PCLO: variants seen among roughly 807,000 people sequenced by gnomAD.
PCLO encodes the protein protein piccolo.
In PCLO, 82 loss-of-function variants were observed where a neutral mutation model predicts 427.5. The observed-to-expected ratio is 0.19, with a 90% CI of 0.16 to 0.23. The LOEUF is 0.23. Ranked by LOEUF, PCLO falls within the 10% of genes least tolerant of loss-of-function variation. The pLI, the probability that PCLO is intolerant of heterozygous loss-of-function variation, is 1.00. For synonymous variants in PCLO, 2,357 were observed against 2,155.4 expected (o/e 1.09, Z -2.59); for missense variants, 6,239 against 6,115.9 (o/e 1.02, Z -0.67).
rs143400571 is a variant in PCLO at position 82,804,675 on chromosome 7, C to T, written c.14933+1013G>A. On this transcript the variant is annotated intron_variant, in intron 21 of 24. Coordinates refer to ENST00000333891, the MANE Select transcript of PCLO (RefSeq NM_033026.6). Reference sequence around the variant, plus strand: ...TTAATTCTGCCCTGCAGCACAAAAGCAGCATCAGGCAACACAGAGCTAATA... The same window carrying T: ...TTAATTCTGCCCTGCAGCACAAAAGTAGCATCAGGCAACACAGAGCTAATA... Among the ~76,000 whole-genome samples, 140 of 152,254 alleles carry T rather than the reference C, an allele frequency of 9.2e-4. 1 individual carries two copies. The highest frequency in any genetic ancestry group is 4.8e-3 in the East Asian group (25 of 5,186).
intron 3 of PCLO, among the ~76,000 whole-genome samples, chr7:83,049,932 T>C (rs1018074098): frequency 2.0e-5 from 3 of 151,846 alleles, no homozygotes; most frequent in Non-Finnish European, 4.4e-5. Context: ...TATGAATAAA[T>C]GGTACAAAAA....
chr7:82,937,328 A>G (rs1173043321), intron 6 of PCLO, among the ~76,000 whole-genome samples: 1 of 148,860 alleles, frequency 6.7e-6, no homozygotes, highest in Non-Finnish European at 1.5e-5. Context: ...GTTAACATCC[A>G]CACTACAGTT....
intron 3 of PCLO, among the ~76,000 whole-genome samples, chr7:83,038,017 A>ATCTT (rs1475193761): frequency 2.2e-5 from 1 of 44,908 alleles, no homozygotes; most frequent in Admixed American, 4.1e-4. Context: ...ATATATATAT[A>ATCTT]TATATATATA....
intron 3 of PCLO, among the ~76,000 whole-genome samples, chr7:83,056,914 T>A (rs1789393358): frequency 6.6e-6 from 1 of 151,988 alleles, no homozygotes; most frequent in African/African-American, 2.4e-5. Context: ...TTTAATTGTT[T>A]GGACTACTGC....
At chr7:82,785,524 C>T (rs756237709) in intron 22 of PCLO, among the ~76,000 whole-genome samples, 2 of 152,178 alleles carry the variant, frequency 1.3e-5, no homozygotes, top group Non-Finnish European at 2.9e-5. Context: ...AGCCCACTAT[C>T]TTCCCATCTC....
At chr7:82,985,033 A>G (rs1796228180) in intron 3 of PCLO, among the ~76,000 whole-genome samples, 1 of 151,970 alleles carries the variant, frequency 6.6e-6, no homozygotes, top group African/African-American at 2.4e-5. Flanking sequence ...CCTAAACTGG[A>G]ATGTTTTCTT....
chr7:83,073,599 CTATT>C (rs991013034), intron 3 of PCLO, among the ~76,000 whole-genome samples: 2 of 151,854 alleles, frequency 1.3e-5, no homozygotes, highest in African/African-American at 4.8e-5. Context: ...CTGCTGCCCT[CTATT>C]TATCTTGTTA....
In PCLO at chr7:83,155,407, T is replaced by C. The variant is rs868094054; in HGVS notation, c.1234A>G (p.Thr412Ala). The C allele has an allele frequency of 6.2e-7, 1 of 1,611,714 alleles. No individual in the cohort carries two copies. Among genetic ancestry groups the C allele is most frequent in the South Asian group, 1.1e-5 (1 of 90,888 alleles). ...GGTTTTGGTGTCCCCACCTGCTGGG[T>C]TGGAGGCTTTGCTGGCCCTGGCTGT... is the stretch of plus-strand genomic sequence containing the variant. ...AQQPGPAKPP[T>A]QQVGTPKPLA... The change falls in exon 2 of 25, where the codon ACC (threonine) becomes GCC (alanine). Residue 412 changes from threonine to alanine, a missense_variant. Coordinates refer to ENST00000333891, the MANE Select transcript of PCLO (RefSeq NM_033026.6).
chr7:83,071,999 C>G lies in PCLO; in HGVS notation c.3300+62251G>C, dbSNP rs1344319725. On this transcript the variant is annotated intron_variant, in intron 3 of 24. Coordinates refer to ENST00000333891, the MANE Select transcript of PCLO (RefSeq NM_033026.6). Reference sequence around the variant, plus strand: ...TTCTCTGCTGAATATGTGATTCAAACAGGTTATGTTATTCAAATTTCTTAT... The same window carrying G: ...TTCTCTGCTGAATATGTGATTCAAAGAGGTTATGTTATTCAAATTTCTTAT... Among the ~76,000 whole-genome samples the G allele has an allele frequency of 2.0e-5, 3 of 151,996 alleles. No homozygotes were observed. The East Asian group carries it at 5.8e-4, about 29-fold the overall frequency.
Position 82,950,040 on chromosome 7 carries a change from T to C in PCLO, c.10548A>G (p.Ile3516Met), listed in dbSNP as rs1795298295. ...ATATCTCTGCTACCGTTTGAACTGCTATGCTGGAGACTTTGGAAAGGGGTT... is the reference window on the plus strand; with the variant it reads ...ATATCTCTGCTACCGTTTGAACTGCCATGCTGGAGACTTTGGAAAGGGGTT... Reference protein sequence around the residue: ...KTKPLSKVSSIAVQTVAEISV... With the variant: ...KTKPLSKVSSMAVQTVAEISV... Residue 3516 changes from isoleucine to methionine, a missense_variant, in exon 6 of 25, where the codon ATA becomes ATG. By Grantham distance (10) the Ile-to-Met change is conservative. Transcript: ENST00000333891. 1.2e-6 allele frequency: 2 copies of C among 1,612,890 alleles called. No homozygotes were observed. Among genetic ancestry groups the C allele is most frequent in the Non-Finnish European group, 1.7e-6 (2 of 1,179,716 alleles).
intron 3 of PCLO, among the ~76,000 whole-genome samples, chr7:83,026,821 A>G (rs1230704848): frequency 1.8e-4 from 26 of 148,454 alleles, no homozygotes; most frequent in Non-Finnish European, 2.9e-4. Flanking sequence ...CCGCTCAACT[A>G]CATGGAAACT....
rs112528693 is a variant in PCLO, at chr7:82,763,282, T to C, written c.15008-1789A>G. The stretch of plus-strand genomic sequence containing the variant: ...AATAGGAAATAAGTCCCTAGCACTT[T>C]CATGCACTATTACTTTGCACTACCA... On this transcript the variant is annotated intron_variant, in intron 22 of 24. Transcript: ENST00000333891. Among the ~76,000 whole-genome samples the C allele has an allele frequency of 8.6e-3, 1,312 of 152,188 alleles. 19 individuals are homozygous for C. Among genetic ancestry groups the C allele is most frequent in the African/African-American group, 0.027 (1,118 of 41,514 alleles).
chr7:82,772,310 T>C (rs929681773), intron 22 of PCLO, among the ~76,000 whole-genome samples: 1 of 152,154 alleles, frequency 6.6e-6, no homozygotes, highest in Admixed American at 6.6e-5. Context: ...TTTTCAAATC[T>C]ATGGTTTCAC....
At chr7:82,844,611 C>T (rs1792452522) in intron 13 of PCLO, among the ~76,000 whole-genome samples, 1 of 152,070 alleles carries the variant, frequency 6.6e-6, no homozygotes, top group Non-Finnish European at 1.5e-5. Context: ...ATGTATTTAT[C>T]AACTACAGGG....
chr7:83,001,360 A>G (rs1279002338), intron 3 of PCLO, among the ~76,000 whole-genome samples: 2 of 151,998 alleles, frequency 1.3e-5, no homozygotes, highest in East Asian at 3.9e-4. Flanking sequence ...TGTTAGAGTG[A>G]AAAAATAATT....
At chr7:83,133,740 C>T (rs1791633687) in intron 3 of PCLO, among the ~76,000 whole-genome samples, 1 of 151,964 alleles carries the variant, frequency 6.6e-6, no homozygotes, top group South Asian at 2.1e-4. Context: ...AAGTTCTTAA[C>T]AGTTTTTAAC....
rs752368277 is a variant in PCLO, at chr7:83,155,995, G to C, written c.646C>G (p.Pro216Ala). ...IIKPPLQQQP[P>A]KPIPKQQGPG... ...CCTTGCTGCTTAGGAATCGGCTTGGGTGGCTGTTGTTGTAAAGGAGGTTTT... is the reference window on the plus strand; with the variant it reads ...CCTTGCTGCTTAGGAATCGGCTTGGCTGGCTGTTGTTGTAAAGGAGGTTTT... Residue 216 changes from proline (P) to alanine (A), a missense_variant, in exon 2 of 25, where the codon CCC becomes GCC. By Grantham distance (27) the Pro-to-Ala change is conservative (BLOSUM62 -1). This residue lies in a region of PCLO where 4,677 missense variants were observed against 4,468.4 expected (regional missense o/e 1.05). Coordinates refer to ENST00000333891, the MANE Select transcript of PCLO (RefSeq NM_033026.6). The C allele has an allele frequency of 3.1e-6, 5 of 1,613,554 alleles. No homozygotes were observed. In the South Asian group the frequency reaches 5.5e-5, roughly 18 times the overall value.
chr7:83,038,018 T>A (rs944126368), intron 3 of PCLO, among the ~76,000 whole-genome samples: 47 of 53,024 alleles, frequency 8.9e-4, no homozygotes, highest in Non-Finnish European at 1.2e-3. Flanking sequence ...TATATATATA[T>A]ATATATATAT....
chr7:83,118,141 C>T (rs1791179979), intron 3 of PCLO, among the ~76,000 whole-genome samples: 1 of 152,034 alleles, frequency 6.6e-6, no homozygotes, highest in Non-Finnish European at 1.5e-5. Context: ...TTTCAGCTCG[C>T]ACTATAACAA....
Sources: allele counts gnomAD v4.1 joint callset (sites outside exome capture counted in the v4.1 genomes callset), GRCh38; gene constraint gnomAD v4.1.1; regional missense constraint gnomAD v4.1.1; transcripts MANE v1.5; gene names NCBI Gene and HGNC (gene_info 2026-07-23, HGNC 2026-07-21).